RPS6KA2: variants seen among roughly 807,000 people sequenced by gnomAD.
The protein encoded by RPS6KA2 is ribosomal protein S6 kinase A2.
A neutral mutation model predicts 91.8 loss-of-function variants in RPS6KA2; 42 were observed. That is an observed-to-expected ratio of 0.46 (90% CI 0.36 to 0.59). RPS6KA2 has a LOEUF of 0.59. RPS6KA2 is among the 20% of genes least tolerant of loss of function. The pLI is 0.00. For synonymous variants in RPS6KA2, 414 were observed against 393.6 expected (o/e 1.05, Z -0.61); for missense variants, 798 against 978.5 (o/e 0.82, Z 2.46).
chr6:166,501,640 C>T (rs972821634), intron 6 of RPS6KA2, among the ~76,000 whole-genome samples: 4 of 152,216 alleles, frequency 2.6e-5, no homozygotes, highest in African/African-American at 9.7e-5. Context: ...GAGGCAGGGT[C>T]CGTAAAGGGC....
rs887334102 is a variant in RPS6KA2, at chr6:166,679,811, C to T, written c.124-141027G>A. ...TGCGAGTGGTGCTCACTGGCTGGCG[C>T]GGGTTCCAGGTGAGCGCGGCTCGGC... is the stretch of plus-strand genomic sequence containing the variant. On this transcript the variant is annotated intron_variant, in intron 2 of 21. Coordinates refer to the RPS6KA2 transcript ENST00000503859. Among the ~76,000 whole-genome samples, 18 of 152,312 alleles carry T rather than the reference C, an allele frequency of 1.2e-4. No homozygotes were observed. The South Asian group carries it at 2.5e-3, about 21-fold the overall frequency.
chr6:166,821,334 G>A lies in RPS6KA2; in HGVS notation c.123+36866C>T, dbSNP rs1013379155. Among the ~76,000 whole-genome samples the A allele has an allele frequency of 7.9e-5, 12 of 152,082 alleles. No homozygotes were observed. The highest frequency in any genetic ancestry group is 1.6e-4 in the Non-Finnish European group (11 of 68,032). On this transcript the variant is annotated intron_variant, in intron 2 of 21. Transcript: ENST00000503859. The surrounding 1 kb of genome is among the most constrained non-coding windows in gnomAD (Gnocchi z 4.1). Reference sequence around the variant, plus strand: ...AGCCTTCAATTCCCTCTGGGGAGGGGCCTGGTTGTCCTCTTTGGGTGGCTT... The same window carrying A: ...AGCCTTCAATTCCCTCTGGGGAGGGACCTGGTTGTCCTCTTTGGGTGGCTT...
At chr6:166,568,474 G>T (rs977183420) in intron 1 of RPS6KA2, among the ~76,000 whole-genome samples, 1 of 151,870 alleles carries the variant, frequency 6.6e-6, no homozygotes, top group Non-Finnish European at 1.5e-5. Context: ...AAAATTAGCC[G>T]GTCGTGGTGG....
At chr6:166,771,156 CA>C (rs1390216164) in intron 2 of RPS6KA2, among the ~76,000 whole-genome samples, 1 of 152,118 alleles carries the variant, frequency 6.6e-6, no homozygotes, top group Non-Finnish European at 1.5e-5. Flanking sequence ...AAAATTTAGC[CA>C]AAGGAAGTGA....
At chr6:166,579,670 AG>A (rs1784945148) in intron 1 of RPS6KA2, among the ~76,000 whole-genome samples, 1 of 152,248 alleles carries the variant, frequency 6.6e-6, no homozygotes, top group Non-Finnish European at 1.5e-5. Context: ...ACAAGAAGGA[AG>A]CAGCCTGTGA....
At position 166,652,507 on chromosome 6, in the gene RPS6KA2, G is replaced by A. The variant is rs117062537; in HGVS notation, c.124-113723C>T. Among the ~76,000 whole-genome samples the A allele has an allele frequency of 5.3e-5, 8 of 152,262 alleles. No individual in the cohort carries two copies. The East Asian group carries it at 5.8e-4, about 11-fold the overall frequency. The stretch of plus-strand genomic sequence containing the variant: ...ACATGGAGGTTGTCTTCTCGATGGC[G>A]CAACCATGAACTGGACACGTTTCTT... On this transcript the variant is annotated intron_variant, in intron 2 of 21. Coordinates refer to the RPS6KA2 transcript ENST00000503859.
chr6:166,694,093 G>A (rs1442662004), intron 2 of RPS6KA2, among the ~76,000 whole-genome samples: 1 of 152,204 alleles, frequency 6.6e-6, no homozygotes, highest in African/African-American at 2.4e-5. Context: ...ACCTCTTTAT[G>A]ACTGGGGCTC....
rs530888366 is a variant in RPS6KA2 at position 166,728,729 on chromosome 6, C to T, written c.123+129471G>A. On this transcript the variant is annotated intron_variant, in intron 2 of 21. Transcript: ENST00000503859. ...TGCTTACTTTCTCACTTCTAAAAAA[C>T]GGTATGGTCTCGACGCATACAGATC... is the stretch of plus-strand genomic sequence containing the variant. Among the ~76,000 whole-genome samples, 40 of 152,254 alleles carry T rather than the reference C, an allele frequency of 2.6e-4. 1 individual carries two copies. The highest frequency in any genetic ancestry group is 1.3e-3 in the Admixed American group (20 of 15,300).
At position 166,756,717 on chromosome 6, in the gene RPS6KA2, A is replaced by G. The variant is rs1583084369; in HGVS notation, c.123+101483T>C. 5.9e-5 allele frequency among the ~76,000 whole-genome samples: 9 copies of G among 152,236 alleles called. No homozygotes were observed. The South Asian group carries it at 1.7e-3, about 28-fold the overall frequency. ...CAAAATTAGCCAGGCATGGTGGCGCATGCCTGTAATCCCAGCTACTTAGGG... is the reference window on the plus strand; with the variant it reads ...CAAAATTAGCCAGGCATGGTGGCGCGTGCCTGTAATCCCAGCTACTTAGGG... On this transcript the variant is annotated intron_variant, in intron 2 of 21. Transcript: ENST00000503859.
intron 12 of RPS6KA2, among the ~76,000 whole-genome samples, chr6:166,458,923 C>T (rs1223119050): frequency 4.6e-5 from 7 of 152,200 alleles, no homozygotes; most frequent in African/African-American, 1.7e-4. Flanking sequence ...CTGACCAGTT[C>T]TGATGAAATT....
In RPS6KA2 at chr6:166,448,759, C is replaced by G; in HGVS notation, c.1297G>C (p.Val433Leu). ...TACTCGGTGTCTGTGGCTTTATGCACACATCGCTTGCACACTGAGTAGGAG... is the reference window on the plus strand; with the variant it reads ...TACTCGGTGTCTGTGGCTTTATGCAGACATCGCTTGCACACTGAGTAGGAG... ...VGSYSVCKRC[V>L]HKATDTEYAV... Residue 433 changes from valine (V) to leucine (L), a missense_variant, in exon 14 of 21, where the codon GTG becomes CTG. Transcript: ENST00000265678. The surrounding 1 kb of genome is among the most constrained non-coding windows in gnomAD (Gnocchi z 4.7). 6.2e-7 allele frequency: 1 copy of G among 1,613,680 alleles called. No homozygotes were observed. The highest frequency in any genetic ancestry group is 2.2e-5 in the East Asian group (1 of 44,880).
intron 2 of RPS6KA2, among the ~76,000 whole-genome samples, chr6:166,703,598 C>A (rs1158158851): frequency 6.6e-6 from 1 of 152,236 alleles, no homozygotes; most frequent in East Asian, 1.9e-4. Flanking sequence ...CCTTCTTAGT[C>A]TGCATCATTA....
At chr6:166,791,511 G>A (rs1207384873) in intron 2 of RPS6KA2, among the ~76,000 whole-genome samples, 10 of 152,084 alleles carry the variant, frequency 6.6e-5, no homozygotes, top group Non-Finnish European at 1.2e-4. Flanking sequence ...TGCACCAAGC[G>A]GACCTAATAG....
At chr6:166,707,125 A>T (rs1789701380) in intron 2 of RPS6KA2, among the ~76,000 whole-genome samples, 1 of 152,254 alleles carries the variant, frequency 6.6e-6, no homozygotes, top group South Asian at 2.1e-4. Context: ...GTTAGCAGGC[A>T]AAGGAAGAGA....
chr6:166,647,626 T>C (rs1219812058), intron 2 of RPS6KA2, among the ~76,000 whole-genome samples: 1 of 152,246 alleles, frequency 6.6e-6, no homozygotes, highest in Non-Finnish European at 1.5e-5. Context: ...ACTACTGCTC[T>C]TAAATTATCC....
chr6:166,724,163 T>C (rs1464936807), intron 2 of RPS6KA2, among the ~76,000 whole-genome samples: 1 of 152,214 alleles, frequency 6.6e-6, no homozygotes, highest in Non-Finnish European at 1.5e-5. Flanking sequence ...AAATATGCTA[T>C]ATTAAGTGTG....
intron 3 of RPS6KA2, among the ~76,000 whole-genome samples, chr6:166,530,608 GTT>G (rs1253962304): frequency 6.6e-6 from 1 of 152,210 alleles, no homozygotes; most frequent in Admixed American, 6.5e-5. Flanking sequence ...GCAGGGGGAA[GTT>G]CCCTCTCTCA....
At chr6:166,764,078 G>C (rs918339644) in intron 2 of RPS6KA2, among the ~76,000 whole-genome samples, 1 of 152,178 alleles carries the variant, frequency 6.6e-6, no homozygotes, top group African/African-American at 2.4e-5. Flanking sequence ...CATGTGCGGG[G>C]CTTCTGAGTG....
Position 166,852,490 on chromosome 6 carries a change from C to T in RPS6KA2, c.123+5710G>A, listed in dbSNP as rs1217548564. 3.9e-5 allele frequency among the ~76,000 whole-genome samples: 6 copies of T among 152,270 alleles called. No homozygotes were observed. The highest frequency in any genetic ancestry group is 7.2e-5 in the African/African-American group (3 of 41,550). On this transcript the variant is annotated intron_variant, in intron 2 of 21. Coordinates refer to the RPS6KA2 transcript ENST00000503859. The surrounding 1 kb of genome is among the most constrained non-coding windows in gnomAD (Gnocchi z 4.1). Reference sequence around the variant, plus strand: ...TGGATTGCAGAGACATGAGAGGCAACGTGGCCGCACAGGCGGTTTAGCCTG... The same window carrying T: ...TGGATTGCAGAGACATGAGAGGCAATGTGGCCGCACAGGCGGTTTAGCCTG...
Sources: allele counts gnomAD v4.1 joint callset (sites outside exome capture counted in the v4.1 genomes callset), GRCh38; gene constraint gnomAD v4.1.1; non-coding constraint Gnocchi (gnomAD v3.1); transcripts MANE v1.5; gene names NCBI Gene and HGNC (gene_info 2026-07-23, HGNC 2026-07-21).